Variants in SPTAN1 observed in about 807,000 individuals in gnomAD.
SPTAN1 encodes spectrin alpha chain, non-erythrocytic 1.
SPTAN1 carries 61 observed loss-of-function variants against 331.3 expected under a neutral mutation model. The ratio of observed to expected loss-of-function variants is 0.18; its 90% confidence interval spans 0.15 to 0.23. The LOEUF (loss-of-function observed/expected upper bound fraction) is 0.23. Among genes scored for constraint, SPTAN1 ranks in the 10% least tolerant of loss-of-function variants. The pLI, the probability that SPTAN1 is intolerant of heterozygous loss-of-function variation, is 1.00. For synonymous variants in SPTAN1, 1,153 were observed against 1,173.9 expected, an observed-to-expected ratio of 0.98 and a Z score of 0.36; for missense variants, 2,043 against 3,147.9, an observed-to-expected ratio of 0.65 and a Z score of 8.40.
Position 128,583,667 on chromosome 9 carries a change from A to C in SPTAN1, c.2012-121A>C, listed in dbSNP as rs574639076. 603 of 1,068,684 alleles carry C rather than the reference A, an allele frequency of 5.6e-4. 1 individual carries two copies. Among genetic ancestry groups the C allele is most frequent in the Non-Finnish European group, 8.0e-4 (569 of 711,550 alleles). The allele number at this position is 1,068,684 out of a possible 1,614,324, so 66.2% of individuals were successfully genotyped here. ...TTGATATTTTCTTTCTCTTTGTGACATAAGTGAAGGAATAAAATTCTGACC... is the reference window on the plus strand; with the variant it reads ...TTGATATTTTCTTTCTCTTTGTGACCTAAGTGAAGGAATAAAATTCTGACC... On this transcript the variant is annotated intron_variant, in intron 15 of 56. Coordinates refer to ENST00000372739, the MANE Select transcript of SPTAN1 (RefSeq NM_001130438.3).
At chr9:128,573,758 TC>T (rs1850988537) in intron 3 of SPTAN1, among the ~76,000 whole-genome samples, 3 of 150,368 alleles carry the variant, frequency 2.0e-5, no homozygotes, top group Middle Eastern at 3.6e-3. Flanking sequence ...CCAGCCCTTT[TC>T]TACTTTTTTT....
intron 24 of SPTAN1, among the ~76,000 whole-genome samples, chr9:128,597,341 G>A (rs1460070504): frequency 6.6e-6 from 1 of 152,038 alleles, no homozygotes; most frequent in Non-Finnish European, 1.5e-5. Context: ...AAACCAAAAA[G>A]AGGTTTTAAA....
chr9:128,557,795 ATTTC>A (rs1848811735), intron 1 of SPTAN1, among the ~76,000 whole-genome samples: 1 of 138,064 alleles, frequency 7.2e-6, no homozygotes. Context: ...TAAATTAGAA[ATTTC>A]TTTTTTTTTT....
At chr9:128,614,308 T>C (rs1856881333) in intron 40 of SPTAN1, among the ~76,000 whole-genome samples, 1 of 150,962 alleles carries the variant, frequency 6.6e-6, no homozygotes, top group Non-Finnish European at 1.5e-5. Context: ...ATACAAAAAT[T>C]AGGCTGGGCA....
chr9:128,573,806 C>T (rs1265404360), intron 3 of SPTAN1, among the ~76,000 whole-genome samples: 1 of 151,002 alleles, frequency 6.6e-6, no homozygotes, highest in African/African-American at 2.4e-5. Flanking sequence ...CAGACTGAAG[C>T]ACAGTGGCAC....
chr9:128,631,501 T>C (rs573117012), intron 52 of SPTAN1: 1 of 153,542 alleles, frequency 6.5e-6, no homozygotes, highest in East Asian at 1.9e-4. Flanking sequence ...CTGCTCAAAG[T>C]CCAGCATGGG....
intron 1 of SPTAN1, among the ~76,000 whole-genome samples, chr9:128,556,869 G>A (rs780109573): frequency 2.0e-5 from 3 of 152,156 alleles, no homozygotes; most frequent in Non-Finnish European, 4.4e-5. Flanking sequence ...AGTTAATTTT[G>A]TTTGATCTGA....
At chr9:128,584,176 CAGAA>C in intron 16 of SPTAN1, 102 bp from the exon 17 acceptor site, 1 of 1,566,772 alleles carries the variant, frequency 6.4e-7, no homozygotes, top group South Asian at 1.1e-5. Context: ...AAGGAGATAG[CAGAA>C]AGAATCCTCT....
At chr9:128,609,777 T>C in intron 37 of SPTAN1, 112 bp downstream of exon 37, 1 of 673,060 alleles carries the variant, frequency 1.5e-6, no homozygotes, top group Non-Finnish European at 2.4e-6. Flanking sequence ...TGTCTCTTCA[T>C]CCATCCTTTT....
At chr9:128,600,262 T>A in intron 27 of SPTAN1, 147 bp downstream of exon 27, 1 of 876,444 alleles carries the variant, frequency 1.1e-6, no homozygotes, top group Non-Finnish European at 1.9e-6. Flanking sequence ...CTGAATCTGT[T>A]AACTCTAAAA....
intron 1 of SPTAN1, among the ~76,000 whole-genome samples, chr9:128,560,629 C>T (rs1434713612): frequency 3.9e-4 from 3 of 7,656 alleles, no homozygotes; most frequent in African/African-American, 4.2e-4. Context: ...GATCTGCCCG[C>T]CTCGCCTCCC....
chr9:128,607,813 C>T (rs1172428140), intron 32 of SPTAN1, 39 bp from the exon 33 acceptor site: 2 of 1,613,258 alleles, frequency 1.2e-6, no homozygotes, highest in Non-Finnish European at 1.7e-6. Flanking sequence ...GAGTGGGCAT[C>T]TGCTGCCAGT....
Position 128,633,489 on chromosome 9 carries a change from G to T in SPTAN1, c.*155G>T. 2 of 1,305,652 alleles carry T rather than the reference G, an allele frequency of 1.5e-6. No individual in the cohort carries two copies. Among genetic ancestry groups the T allele is most frequent in the Non-Finnish European group, 2.2e-6 (2 of 923,796 alleles). 80.9% of individuals were successfully genotyped at this position (1,305,652 alleles called of 1,614,324 possible). ...AATGGTGCTTCACTAACCCGCTTCC[G>T]GTCCAGTCACAATCATCATGTCACT... On this transcript the variant is annotated 3_prime_UTR_variant, in exon 57 of 57. Coordinates refer to ENST00000372739, the MANE Select transcript of SPTAN1 (RefSeq NM_001130438.3).
rs1456402365 is a variant in SPTAN1, at chr9:128,605,423, G to A, written c.3992G>A (p.Arg1331His). 1.1e-5 allele frequency: 17 copies of A among 1,614,186 alleles called. No individual in the cohort carries two copies. Among genetic ancestry groups the A allele is most frequent in the Non-Finnish European group, 1.2e-5 (14 of 1,180,034 alleles). ...AGCCTGGGGAAACGTGCAGATCAGC[G>A]CAAGGCAAAGTTGGGTGACTCCCAC... ...WSSLGKRADQRKAKLGDSHDL... is the reference protein window; with the variant it reads ...WSSLGKRADQHKAKLGDSHDL... Residue 1331 changes from arginine (R) to histidine (H), a missense_variant, in exon 31 of 57, where the codon CGC becomes CAC. Arg to His is a conservative substitution (Grantham distance 29, BLOSUM62 0). This residue lies in a region of SPTAN1 where 179 missense variants were observed against 215.7 expected (regional missense o/e 0.83). Coordinates refer to ENST00000372739, the MANE Select transcript of SPTAN1 (RefSeq NM_001130438.3).
chr9:128,568,013 C>G (rs895265597), intron 2 of SPTAN1, among the ~76,000 whole-genome samples: 9 of 150,932 alleles, frequency 6.0e-5, no homozygotes, highest in Non-Finnish European at 1.3e-4. Flanking sequence ...CTGCCTGCCT[C>G]AGCCTCCCAA....
chr9:128,630,406 A>G (rs756542362), intron 52 of SPTAN1, 31 bp downstream of exon 52: 2 of 1,611,230 alleles, frequency 1.2e-6, no homozygotes, highest in Admixed American at 1.7e-5. Context: ...GGCCCAGCAG[A>G]GACCCTTCAC....
intron 52 of SPTAN1, 113 bp downstream of exon 52, chr9:128,630,488 CT>C: frequency 1.9e-6 from 2 of 1,066,334 alleles, no homozygotes; most frequent in Non-Finnish European, 2.9e-6. Flanking sequence ...TTATTGTACC[CT>C]TTTCCCTTGG....
At chr9:128,572,810 G>A (rs953560865) in intron 3 of SPTAN1, among the ~76,000 whole-genome samples, 1 of 152,048 alleles carries the variant, frequency 6.6e-6, no homozygotes, top group Non-Finnish European at 1.5e-5. Flanking sequence ...CACCCACATC[G>A]GGTCCCACAT....
In SPTAN1 at chr9:128,583,921, C is replaced by T. The variant is rs1852249353; in HGVS notation, c.2145C>T (p.Asn715=). 16 of 1,614,172 alleles carry T rather than the reference C, an allele frequency of 9.9e-6. No individual in the cohort carries two copies. Among genetic ancestry groups the T allele is most frequent in the Non-Finnish European group, 1.4e-5 (16 of 1,180,038 alleles). ...DYGKDLTNVQ[N]LQKKHALLEA... ...GCAAAGATCTTACCAATGTGCAGAA[C>T]CTCCAGAAGAAACATGCACTGCTAG... The change falls in exon 16 of 57, where the codon AAC becomes AAT. Residue 715 remains asparagine (N), a synonymous_variant. Coordinates refer to ENST00000372739, the MANE Select transcript of SPTAN1 (RefSeq NM_001130438.3).
Sources: allele counts gnomAD v4.1 joint callset (sites outside exome capture counted in the v4.1 genomes callset), GRCh38; gene constraint gnomAD v4.1.1; regional missense constraint gnomAD v4.1.1; transcripts MANE v1.5; gene names NCBI Gene and HGNC (gene_info 2026-07-23, HGNC 2026-07-21).